Variants in ZNF254 observed in about 807,000 individuals in gnomAD.
The protein encoded by ZNF254 is CTD-2017D11.1.
Under a neutral mutation model 12.4 loss-of-function variants are expected in ZNF254, and 10 were observed. The ratio of observed to expected loss-of-function variants is 0.80; its 90% CI spans 0.50 to 1.36. The LOEUF is 1.36. Ranked by LOEUF, ZNF254 falls within the 40% of genes most tolerant of loss-of-function variation. The pLI is 0.00. For missense variants in ZNF254, 996 were observed against 763.9 expected (o/e 1.30, Z -3.58); for synonymous variants, 305 against 253.4 (o/e 1.20, Z -1.93).
At chr19:24,050,614 C>G (rs1434842205) in intron 2 of ZNF254, among the ~76,000 whole-genome samples, 3 of 152,240 alleles carry the variant, frequency 2.0e-5, no homozygotes, top group Non-Finnish European at 4.4e-5. Flanking sequence ...TGATATGATT[C>G]TTCTGCTGAC....
intron 1 of ZNF254, among the ~76,000 whole-genome samples, chr19:24,093,872 G>A (rs1335756810): frequency 6.6e-6 from 1 of 151,924 alleles, no homozygotes; most frequent in Non-Finnish European, 1.5e-5. Flanking sequence ...AAATTTTGGG[G>A]GGCAGTATGA....
chr19:24,108,981 C>T (rs965653117), intron 3 of ZNF254, among the ~76,000 whole-genome samples: 3 of 152,124 alleles, frequency 2.0e-5, no homozygotes, highest in Admixed American at 6.6e-5. Context: ...CGATGAAACC[C>T]CGTCCCTACT....
chr19:24,047,455 G>T (rs1218647259), intron 2 of ZNF254, among the ~76,000 whole-genome samples: 3 of 151,620 alleles, frequency 2.0e-5, no homozygotes, highest in Non-Finnish European at 2.9e-5. Context: ...TTGTAGTAGA[G>T]ACGAGGCCTC....
At chr19:24,103,550 T>C (rs1973155747) in intron 1 of ZNF254, among the ~76,000 whole-genome samples, 1 of 152,192 alleles carries the variant, frequency 6.6e-6, no homozygotes, top group Non-Finnish European at 1.5e-5. Context: ...AAAGCGTCTA[T>C]TTGTTTTAAT....
chr19:24,107,436 T>C (rs1387577352), intron 3 of ZNF254: 30 of 387,552 alleles, frequency 7.7e-5, no homozygotes, highest in Non-Finnish European at 1.2e-4. Context: ...GTTCTAAAAT[T>C]GAGTATTTCA....
intron 2 of ZNF254, 114 bp downstream of exon 2, chr19:24,106,180 G>A (rs572585105): frequency 3.0e-6 from 4 of 1,346,164 alleles, no homozygotes; most frequent in Middle Eastern, 2.0e-4. Flanking sequence ...AAATACTGGG[G>A]ATTTGTCTGT....
intron 1 of ZNF254, among the ~76,000 whole-genome samples, chr19:24,045,311 T>G (rs1392328011): frequency 6.6e-6 from 1 of 152,196 alleles, no homozygotes; most frequent in Non-Finnish European, 1.5e-5. Context: ...TTTAACTTTT[T>G]GCCTGTTCTG....
chr19:24,111,637 T>A (rs889677558), intron 3 of ZNF254, among the ~76,000 whole-genome samples: 5 of 152,252 alleles, frequency 3.3e-5, no homozygotes, highest in Non-Finnish European at 7.3e-5. Flanking sequence ...TTTTTAATGA[T>A]CGCCATTCTA....
At chr19:24,047,461 G>A (rs987968346) in intron 2 of ZNF254, among the ~76,000 whole-genome samples, 12 of 151,670 alleles carry the variant, frequency 7.9e-5, no homozygotes, top group African/African-American at 2.9e-4. Flanking sequence ...TAGAGACGAG[G>A]CCTCGCTATG....
intron 1 of ZNF254, chr19:24,105,367 C>CA (rs1436229231): frequency 1.9e-5 from 4 of 214,796 alleles, no homozygotes; most frequent in East Asian, 3.2e-4. Flanking sequence ...AAAAAAAAAA[C>CA]AAAAAACAAA....
chr19:24,086,205 TAG>T (rs763121284), upstream of ZNF254, among the ~76,000 whole-genome samples: 1 of 151,248 alleles, frequency 6.6e-6, no homozygotes, highest in Non-Finnish European at 1.5e-5. Context: ...AGACTTCGTC[TAG>T]ACAAAAAATA....
chr19:24,046,435 A>G lies in ZNF254; in HGVS notation c.-94+156A>G, dbSNP rs1473131184. On this transcript the variant is annotated intron_variant, in intron 2 of 4. Coordinates refer to the ZNF254 transcript ENST00000613065. ...TGTTTTATGTGCAACAATTGATTCT[A>G]TCAGATAATCAGACCAAGGCATTCC... Among the ~76,000 whole-genome samples the G allele has an allele frequency of 3.5e-5, 5 of 142,364 alleles. No individual in the cohort carries two copies. In the East Asian group the frequency reaches 1.0e-3, roughly 29 times the overall value. The allele number at this position is 142,364 out of a possible 152,430, so 93.4% of individuals were successfully genotyped here.
intron 2 of ZNF254, among the ~76,000 whole-genome samples, chr19:24,070,189 GAGC>G (rs1303471332): frequency 1.2e-4 from 18 of 152,200 alleles, no homozygotes; most frequent in African/African-American, 3.9e-4. Context: ...TCTGGGATTA[GAGC>G]AGCATGTACT....
intron 1 of ZNF254, among the ~76,000 whole-genome samples, chr19:24,035,962 A>C (rs547894340): frequency 5.8e-4 from 89 of 152,270 alleles, no homozygotes; most frequent in African/African-American, 2.0e-3. Context: ...TTCCACCATG[A>C]GTTTTCCTTG....
chr19:24,118,142 T>C (rs1323693553), intron 3 of ZNF254, among the ~76,000 whole-genome samples: 2 of 150,678 alleles, frequency 1.3e-5, no homozygotes, highest in East Asian at 2.0e-4. Flanking sequence ...AACCTCCGCC[T>C]CCCGGGTTTC....
chr19:24,068,255 A>G (rs566272944), intron 2 of ZNF254, among the ~76,000 whole-genome samples: 2 of 151,334 alleles, frequency 1.3e-5, no homozygotes, highest in African/African-American at 4.9e-5. Flanking sequence ...GTAACATATC[A>G]CTGGGCCCAG....
chr19:24,119,240 A>T (rs1300946830), intron 3 of ZNF254, among the ~76,000 whole-genome samples: 1 of 151,972 alleles, frequency 6.6e-6, no homozygotes, highest in African/African-American at 2.4e-5. Context: ...CACCCAGGCC[A>T]GAGTGCAGTG....
chr19:24,065,311 T>C (rs888438751), intron 2 of ZNF254, among the ~76,000 whole-genome samples: 2 of 152,234 alleles, frequency 1.3e-5, no homozygotes, highest in African/African-American at 2.4e-5. Flanking sequence ...CTTCTTCCTA[T>C]GCCCTGCTTT....
At chr19:24,046,648 C>T (rs574412302) in intron 2 of ZNF254, among the ~76,000 whole-genome samples, 19 of 151,618 alleles carry the variant, frequency 1.3e-4, no homozygotes, top group Non-Finnish European at 2.4e-4. Flanking sequence ...ACAATGAAAC[C>T]ATGTATTTTG....
Sources: allele counts gnomAD v4.1 joint callset (sites outside exome capture counted in the v4.1 genomes callset), GRCh38; gene constraint gnomAD v4.1.1; transcripts MANE v1.5; gene names NCBI Gene and HGNC (gene_info 2026-07-23, HGNC 2026-07-21).